The following NKAIN3 variants were observed in gnomAD, a reference collection of about 807,000 sequenced individuals.
NKAIN3 encodes the protein sodium/potassium-transporting ATPase subunit beta-1-interacting protein 3.
Under a neutral mutation model 30.2 loss-of-function variants are expected in NKAIN3, and 25 were observed. That is an observed-to-expected ratio of 0.83 (90% CI 0.60 to 1.16). The LOEUF is 1.16. NKAIN3 is among the 50% of genes most tolerant of loss of function. The probability of loss-of-function intolerance (pLI) is 0.00; values close to 1 mark genes in which losing one functional copy is unlikely to be tolerated. For synonymous variants in NKAIN3, 91 were observed against 89.6 expected (o/e 1.02, Z -0.09); for missense variants, 225 against 254.1 (o/e 0.89, Z 0.78).
At chr8:62,932,886 C>T (rs77271146) in intron 5 of NKAIN3, among the ~76,000 whole-genome samples, 2,927 of 151,988 alleles carry the variant, frequency 0.019, 84 homozygotes, top group African/African-American at 0.067. Flanking sequence ...TACAAGCACC[C>T]GGCTGGAGAA....
intron 1 of NKAIN3, among the ~76,000 whole-genome samples, chr8:62,297,728 A>C (rs1156545985): frequency 1.1e-4 from 17 of 152,130 alleles, no homozygotes; most frequent in South Asian, 4.2e-4. Flanking sequence ...GTTGGTGGGA[A>C]TGTAAACTAG....
rs1806015242 is a variant in NKAIN3, at chr8:62,462,042, C to T, written c.55-117497C>T. Among the ~76,000 whole-genome samples the T allele has an allele frequency of 3.3e-5, 5 of 151,824 alleles. No homozygotes were observed. In the South Asian group the frequency reaches 1.0e-3, roughly 32 times the overall value. On this transcript the variant is annotated intron_variant, in intron 1 of 6. Coordinates refer to ENST00000623646, the MANE Select transcript of NKAIN3 (RefSeq NM_001304533.3). ...AATGGACACATTATAATTAAACTAT[C>T]AAAAGGCAAAGACCAAGAGAGAATT...
At chr8:62,327,218 C>T (rs1326603366) in intron 1 of NKAIN3, among the ~76,000 whole-genome samples, 8 of 151,964 alleles carry the variant, frequency 5.3e-5, no homozygotes, top group Middle Eastern at 3.4e-3. Flanking sequence ...GGGTATTAAC[C>T]TCTCATCAGA....
At chr8:62,585,953 T>C (rs1221877038) in intron 2 of NKAIN3, among the ~76,000 whole-genome samples, 1 of 152,178 alleles carries the variant, frequency 6.6e-6, no homozygotes, top group Non-Finnish European at 1.5e-5. Flanking sequence ...TCTTCATTAT[T>C]TCATGGGTGA....
At chr8:62,399,674 C>T (rs573082199) in intron 1 of NKAIN3, among the ~76,000 whole-genome samples, 1 of 152,238 alleles carries the variant, frequency 6.6e-6, no homozygotes, top group East Asian at 1.9e-4. Context: ...TTCCTGATGA[C>T]CAGAATGTAT....
chr8:62,741,488 GT>G (rs1349640549), intron 3 of NKAIN3, among the ~76,000 whole-genome samples: 1 of 152,176 alleles, frequency 6.6e-6, no homozygotes, highest in African/African-American at 2.4e-5. Context: ...CATGTGGAAT[GT>G]CTTCTCCCCT....
intron 4 of NKAIN3, among the ~76,000 whole-genome samples, chr8:62,892,064 G>A (rs945453526): frequency 2.0e-5 from 3 of 152,164 alleles, no homozygotes; most frequent in Non-Finnish European, 2.9e-5. Flanking sequence ...GGTGACATAG[G>A]AGATACAATA....
At chr8:62,473,478 GC>G (rs1806421441) in intron 1 of NKAIN3, 1 of 152,108 alleles carries the variant, frequency 6.6e-6, no homozygotes, top group South Asian at 2.1e-4. Flanking sequence ...GAAGCAAAAA[GC>G]CCTATAAAAT....
At chr8:62,747,837 T>C (rs1394628178) in intron 4 of NKAIN3, among the ~76,000 whole-genome samples, 2 of 152,152 alleles carry the variant, frequency 1.3e-5, no homozygotes, top group Non-Finnish European at 2.9e-5. Context: ...CAATATCCAA[T>C]AAAGCCATTC....
intron 1 of NKAIN3, among the ~76,000 whole-genome samples, chr8:62,544,991 G>A (rs1808961914): frequency 6.6e-6 from 1 of 152,160 alleles, no homozygotes; most frequent in African/African-American, 2.4e-5. Context: ...AAGTGGAAGT[G>A]AATCATCATA....
At chr8:62,434,223 G>C (rs1163984357) in intron 1 of NKAIN3, among the ~76,000 whole-genome samples, 2 of 152,120 alleles carry the variant, frequency 1.3e-5, no homozygotes, top group African/African-American at 4.8e-5. Context: ...GTTGTCCTTC[G>C]GGAGGTAGCA....
rs138391536 is a variant in NKAIN3, at chr8:62,592,038, C to G, written c.273+2244C>G. Among the ~76,000 whole-genome samples, 108 of 152,126 alleles carry G rather than the reference C, an allele frequency of 7.1e-4. 1 individual carries two copies. In the Middle Eastern group the frequency reaches 0.02, roughly 29 times the overall value. On this transcript the variant is annotated intron_variant, in intron 3 of 6. Transcript: ENST00000623646. ...TTTGGATAGATTAATAGAAACCTCC[C>G]TATGCTGTCAATTTGGTCCAAAATA...
chr8:62,401,903 C>CT (rs1563382032), intron 1 of NKAIN3, among the ~76,000 whole-genome samples: 6 of 152,198 alleles, frequency 3.9e-5, no homozygotes, highest in Non-Finnish European at 7.3e-5. Flanking sequence ...CCAAGGTCCA[C>CT]GATAACCACT....
intron 4 of NKAIN3, chr8:62,863,179 T>C: frequency 2.0e-6 from 3 of 1,533,952 alleles, no homozygotes; most frequent in Non-Finnish European, 2.7e-6. Context: ...TTGCTCCAAT[T>C]CTTCTATCTC....
chr8:62,720,349 G>A (rs1168860114), intron 3 of NKAIN3, among the ~76,000 whole-genome samples: 3 of 152,038 alleles, frequency 2.0e-5, no homozygotes, highest in Admixed American at 6.5e-5. Flanking sequence ...AATATGCATT[G>A]TGTGTGGTAC....
intron 1 of NKAIN3, among the ~76,000 whole-genome samples, chr8:62,494,643 G>A (rs1807178204): frequency 6.6e-6 from 1 of 151,856 alleles, no homozygotes; most frequent in Admixed American, 6.6e-5. Context: ...AGTTTCTCTG[G>A]GCCTGGGCTT....
intron 4 of NKAIN3, among the ~76,000 whole-genome samples, chr8:62,908,901 G>A (rs1029377285): frequency 6.6e-5 from 10 of 152,098 alleles, no homozygotes; most frequent in African/African-American, 1.9e-4. Context: ...GTGAATGTGG[G>A]GAAACTTAGG....
intron 5 of NKAIN3, chr8:62,990,421 T>A: frequency 1.8e-6 from 2 of 1,103,500 alleles, no homozygotes; most frequent in Non-Finnish European, 2.3e-6. Flanking sequence ...CCAGCAGTGC[T>A]CTTTGAGAAT....
At chr8:62,546,263 A>G (rs1220773497) in intron 1 of NKAIN3, among the ~76,000 whole-genome samples, 1 of 152,142 alleles carries the variant, frequency 6.6e-6, no homozygotes, top group Non-Finnish European at 1.5e-5. Flanking sequence ...CCATACTACA[A>G]TCTCATTCAT....
Sources: gnomAD v4.1 joint callset for allele counts (sites outside exome capture counted in the v4.1 genomes callset) on GRCh38, gnomAD v4.1.1 for gene constraint, MANE v1.5 for transcripts, NCBI Gene and HGNC (gene_info 2026-07-23, HGNC 2026-07-21) for gene names.